Variants in ZFYVE28 observed in about 807,000 individuals in gnomAD.
ZFYVE28 encodes lateral signaling target protein 2 homolog.
Under a neutral mutation model 82.1 loss-of-function variants are expected in ZFYVE28, and 40 were observed. The observed-to-expected ratio is 0.49, with a 90% CI of 0.38 to 0.63. The LOEUF (loss-of-function observed/expected upper bound fraction) is 0.63. Ranked by LOEUF, ZFYVE28 falls within the 30% of genes least tolerant of loss-of-function variation. The pLI is 0.00. For missense variants in ZFYVE28, 1,321 were observed against 1,242.1 expected (o/e 1.06, Z -0.96); for synonymous variants, 612 against 546.1 (o/e 1.12, Z -1.68).
intron 5 of ZFYVE28, among the ~76,000 whole-genome samples, chr4:2,337,040 T>TGAGGAGTTAGGAGGTGGGGAAGTGAGG (rs1721924876): frequency 4.4e-5 from 2 of 45,348 alleles, no homozygotes; most frequent in Admixed American, 2.2e-4. Context: ...GAGGAGTGAG[T>TGAGGAGTTAGGAGGTGGGGAAGTGAGG]AGGTGAGGAG....
intron 1 of ZFYVE28, among the ~76,000 whole-genome samples, chr4:2,388,313 G>A (rs1289290876): frequency 2.0e-5 from 3 of 152,166 alleles, no homozygotes; most frequent in South Asian, 2.1e-4. Context: ...GCTCCTCAAG[G>A]TCACTCCTAA....
chr4:2,274,929 T>C (rs910747330), intron 8 of ZFYVE28, among the ~76,000 whole-genome samples: 2 of 136,322 alleles, frequency 1.5e-5, no homozygotes, highest in Non-Finnish European at 3.0e-5. Flanking sequence ...CTGCCAGAGT[T>C]TGCACTTCGG....
At chr4:2,389,450 C>T (rs1455091133) in intron 1 of ZFYVE28, among the ~76,000 whole-genome samples, 3 of 152,238 alleles carry the variant, frequency 2.0e-5, no homozygotes, top group Non-Finnish European at 2.9e-5. Context: ...GGAGGCTCAG[C>T]CTGCTAGAGC....
chr4:2,377,243 G>C lies in ZFYVE28; in HGVS notation c.40-23170C>G, dbSNP rs1014661136. On this transcript the variant is annotated intron_variant, in intron 1 of 12. Coordinates refer to ENST00000290974, the MANE Select transcript of ZFYVE28 (RefSeq NM_020972.3). Reference sequence around the variant, plus strand: ...TTGCCGTGTTAGCCAGGATGGTCTCGATCTCCTGACCTTGTGATCCGCCCG... The same window carrying C: ...TTGCCGTGTTAGCCAGGATGGTCTCCATCTCCTGACCTTGTGATCCGCCCG... Among the ~76,000 whole-genome samples, 6 of 152,140 alleles carry C rather than the reference G, an allele frequency of 3.9e-5. No individual in the cohort carries two copies. The East Asian group carries it at 7.8e-4, about 20-fold the overall frequency.
chr4:2,393,560 G>A (rs978289748), intron 1 of ZFYVE28, among the ~76,000 whole-genome samples: 11 of 152,304 alleles, frequency 7.2e-5, no homozygotes, highest in Admixed American at 5.2e-4. Context: ...TGGCTCTCAC[G>A]GCCCCTTCCA....
chr4:2,281,843 C>T (rs753361756), intron 8 of ZFYVE28, among the ~76,000 whole-genome samples: 33 of 152,162 alleles, frequency 2.2e-4, no homozygotes, highest in Non-Finnish European at 4.3e-4. Flanking sequence ...GTAGATCAGA[C>T]ACTATGTGTC....
chr4:2,399,093 C>G (rs1485015611), intron 1 of ZFYVE28, among the ~76,000 whole-genome samples: 12,985 of 44,634 alleles, frequency 0.29, 1,753 homozygotes, highest in African/African-American at 0.47. Flanking sequence ...AAGGTGAGAT[C>G]CAGGGCACAA....
rs369389990 is a variant in ZFYVE28, at chr4:2,270,694, C to T, written c.*31G>A. On this transcript the variant is annotated 3_prime_UTR_variant, in exon 13 of 13. Transcript: ENST00000290974. ...CCCACCTTCCTGGGGGTTCCTGGCC[C>T]GGGTGGGTTGGGGCTGCCCCTGGCA... 89 of 1,611,984 alleles carry T rather than the reference C, an allele frequency of 5.5e-5. No individual in the cohort carries two copies. The highest frequency in any genetic ancestry group is 5.1e-4 in the African/African-American group (38 of 74,914).
intron 1 of ZFYVE28, among the ~76,000 whole-genome samples, chr4:2,398,043 G>GA (rs1166731426): frequency 6.7e-6 from 1 of 148,460 alleles, no homozygotes; most frequent in Non-Finnish European, 1.5e-5. Flanking sequence ...GGGAGGGGGG[G>GA]TCCTGGCAGA....
At chr4:2,346,020 A>C (rs1205467901) in intron 2 of ZFYVE28, among the ~76,000 whole-genome samples, 1 of 152,164 alleles carries the variant, frequency 6.6e-6, no homozygotes, top group Admixed American at 6.5e-5. Flanking sequence ...GTAGATTTGC[A>C]CTATAAGAAA....
At chr4:2,327,473 A>G (rs1016807784) in intron 6 of ZFYVE28, among the ~76,000 whole-genome samples, 1 of 151,702 alleles carries the variant, frequency 6.6e-6, no homozygotes, top group African/African-American at 2.4e-5. Context: ...CTTACAGGAA[A>G]GGCTTTCAAT....
intron 7 of ZFYVE28, among the ~76,000 whole-genome samples, chr4:2,317,496 C>T (rs1014034874): frequency 4.6e-5 from 7 of 152,180 alleles, no homozygotes; most frequent in African/African-American, 1.4e-4. Flanking sequence ...GAGCCTGCTG[C>T]ACTCTCTGCC....
At position 2,396,755 on chromosome 4, in the gene ZFYVE28, A is replaced by G. The variant is rs111911695; in HGVS notation, c.39+21530T>C. ...GCGGGGTGTCTGAGCTGATGGGACC[A>G]GCCATCCTGCAGAGGGGACCCAAGG... On this transcript the variant is annotated intron_variant, in intron 1 of 12. Transcript: ENST00000290974. 7.4e-3 allele frequency among the ~76,000 whole-genome samples: 938 copies of G among 126,894 alleles called. 194 individuals carry two copies. The highest frequency in any genetic ancestry group is 0.033 in the African/African-American group (857 of 25,860). The allele number at this position is 126,894 out of a possible 152,430, so 83.2% of individuals were successfully genotyped here.
In ZFYVE28 at chr4:2,335,639, C is replaced by G; in HGVS notation, c.701+66G>C. On this transcript the variant is annotated intron_variant, in intron 6 of 12. Transcript: ENST00000290974. The surrounding 1 kb of genome is among the most constrained non-coding windows in gnomAD (Gnocchi z 5.8). ...CCATGGACCGGCACCCGCACGGGAC[C>G]TGGCACCATCAGCCCTGCCCGTCCC... 4.8e-6 allele frequency: 7 copies of G among 1,471,606 alleles called. No individual in the cohort carries two copies. The South Asian group carries it at 8.5e-5, about 18-fold the overall frequency. The allele number at this position is 1,471,606 out of a possible 1,614,324, so 91.2% of individuals were successfully genotyped here.
At chr4:2,274,823 C>T (rs748788903) in intron 8 of ZFYVE28, among the ~76,000 whole-genome samples, 8 of 144,614 alleles carry the variant, frequency 5.5e-5, no homozygotes, top group Admixed American at 2.0e-4. Flanking sequence ...AGGCTGAGAC[C>T]GGAGACGCGG....
intron 1 of ZFYVE28, among the ~76,000 whole-genome samples, chr4:2,367,659 C>T (rs1309726430): frequency 6.6e-6 from 1 of 152,246 alleles, no homozygotes; most frequent in Non-Finnish European, 1.5e-5. Flanking sequence ...CCAAGAGAAC[C>T]CCACAGTGGG....
At chr4:2,396,169 A>C (rs1388431763) in intron 1 of ZFYVE28, among the ~76,000 whole-genome samples, 8 of 28,678 alleles carry the variant, frequency 2.8e-4, no homozygotes, top group Admixed American at 5.5e-4. Context: ...TGCAGAGGGG[A>C]CACAAGGTGG....
intron 7 of ZFYVE28, among the ~76,000 whole-genome samples, chr4:2,318,305 C>T (rs1718523331): frequency 6.6e-6 from 1 of 152,194 alleles, no homozygotes; most frequent in South Asian, 2.1e-4. Flanking sequence ...CGCCTGTAAT[C>T]CCAGCACTTT....
chr4:2,348,573 C>T (rs895337716), intron 2 of ZFYVE28, among the ~76,000 whole-genome samples: 1 of 152,104 alleles, frequency 6.6e-6, no homozygotes, highest in Non-Finnish European at 1.5e-5. Context: ...GGATAATGTA[C>T]CATGAACGAG....
Sources: gnomAD v4.1 joint callset for allele counts (sites outside exome capture counted in the v4.1 genomes callset) on GRCh38, gnomAD v4.1.1 for gene constraint, Gnocchi (gnomAD v3.1) non-coding constraint, MANE v1.5 for transcripts, NCBI Gene and HGNC (gene_info 2026-07-23, HGNC 2026-07-21) for gene names.